KIAA0319: variants seen among roughly 807,000 people sequenced by gnomAD.
KIAA0319 encodes KIAA0319, also known as dyslexia-associated protein KIAA0319.
In KIAA0319, 83 loss-of-function variants were observed where a neutral mutation model predicts 108.4. The observed-to-expected ratio is 0.77, with a 90% CI of 0.64 to 0.92. The LOEUF (loss-of-function observed/expected upper bound fraction) is 0.92, where lower values mean the gene tolerates loss of function less well. Ranked by LOEUF, KIAA0319 falls within the 40% of genes least tolerant of loss-of-function variation. The pLI is 0.00. For synonymous variants in KIAA0319, 484 were observed against 510.4 expected, an observed-to-expected ratio of 0.95 and a Z score of 0.70; for missense variants, 1,195 against 1,322.4, an observed-to-expected ratio of 0.90 and a Z score of 1.49.
chr6:24,612,629 G>A (rs985549913), intron 1 of KIAA0319, among the ~76,000 whole-genome samples: 2 of 152,182 alleles, frequency 1.3e-5, no homozygotes, highest in Admixed American at 1.3e-4. Context: ...AGTGAAGAAA[G>A]AAAGTGCAGA....
chr6:24,633,366 ATAAT>A (rs755687425), intron 1 of KIAA0319, among the ~76,000 whole-genome samples: 11 of 152,246 alleles, frequency 7.2e-5, no homozygotes, highest in Non-Finnish European at 1.6e-4. Context: ...ACTGGGAAAG[ATAAT>A]TAAAGATATG....
chr6:24,558,364 T>G (rs1403244763), intron 17 of KIAA0319, among the ~76,000 whole-genome samples: 2 of 86,132 alleles, frequency 2.3e-5, no homozygotes, highest in South Asian at 8.6e-4. Context: ...TATATATATA[T>G]CTAGATAGAT....
intron 20 of KIAA0319, among the ~76,000 whole-genome samples, chr6:24,549,437 ATTTGCC>A (rs1297885127): frequency 6.6e-6 from 1 of 151,862 alleles, no homozygotes; most frequent in East Asian, 1.9e-4. Context: ...CAGATGTTGA[ATTTGCC>A]TTCCCAGCCT....
chr6:24,552,534 C>G (rs1300878446), intron 19 of KIAA0319, among the ~76,000 whole-genome samples: 7 of 152,192 alleles, frequency 4.6e-5, no homozygotes, highest in Admixed American at 4.6e-4. Context: ...TTTCACCAGT[C>G]TTACTTTGGG....
At chr6:24,620,473 A>T (rs1219169425) in intron 1 of KIAA0319, among the ~76,000 whole-genome samples, 2 of 152,086 alleles carry the variant, frequency 1.3e-5, no homozygotes, top group African/African-American at 4.8e-5. Context: ...GCTAATTTTT[A>T]TATTTTTAGT....
rs191464793 is a variant in KIAA0319, at chr6:24,580,318, C to G, written c.1280-368G>C. Among the ~76,000 whole-genome samples, 161 of 146,214 alleles carry G rather than the reference C, an allele frequency of 1.1e-3. 1 individual carries two copies. The highest frequency in any genetic ancestry group is 3.1e-3 in the African/African-American group (122 of 39,238). ...TCTCTAACTGAAGGCAACTCCCCCC[C>G]CCACCCCCCATAACCATATGCAAAA... On this transcript the variant is annotated intron_variant, in intron 7 of 20. Transcript: ENST00000378214.
intron 1 of KIAA0319, among the ~76,000 whole-genome samples, chr6:24,635,947 A>G (rs574018775): frequency 6.6e-6 from 1 of 152,362 alleles, no homozygotes; most frequent in East Asian, 1.9e-4. Context: ...TTATGAAAGA[A>G]TAACAAACAC....
intron 19 of KIAA0319, among the ~76,000 whole-genome samples, chr6:24,553,595 C>T (rs1248661062): frequency 1.3e-5 from 2 of 152,112 alleles, no homozygotes; most frequent in African/African-American, 4.8e-5. Context: ...GGTCATAAAA[C>T]CCTCATTTCA....
chr6:24,576,279 A>G, intron 10 of KIAA0319, 89 bp downstream of exon 10: 2 of 1,004,322 alleles, frequency 2.0e-6, no homozygotes, highest in Non-Finnish European at 3.0e-6. Flanking sequence ...AATTATCTAA[A>G]TTTAACTGCC....
rs374993595 is a variant in KIAA0319 at position 24,572,845 on chromosome 6, G to C, written c.1735-147C>G. ...AAAGAAATGTGTTTGGCCAGGCACG[G>C]TGGTTCACATCTGTAATCCCAGCAC... On this transcript the variant is annotated intron_variant, in intron 10 of 20. Coordinates refer to ENST00000378214, the MANE Select transcript of KIAA0319 (RefSeq NM_014809.4). The C allele has an allele frequency of 2.5e-4, 207 of 820,080 alleles. No homozygotes were observed. The African/African-American group carries it at 2.7e-3, about 11-fold the overall frequency. 50.8% of individuals were successfully genotyped at this position (820,080 alleles called of 1,614,324 possible). A position where few individuals can be genotyped will look rare whatever the true frequency, so the allele number is the denominator to read the frequency against.
At chr6:24,583,181 G>A in intron 5 of KIAA0319, 1 of 987,822 alleles carries the variant, frequency 1.0e-6, no homozygotes, top group Non-Finnish European at 1.2e-6. Flanking sequence ...GCTAGTGTGA[G>A]GCATCCTGAG....
intron 18 of KIAA0319, 144 bp downstream of exon 18, chr6:24,556,463 G>T: frequency 1.1e-6 from 1 of 874,328 alleles, no homozygotes. Context: ...CACCATGCCT[G>T]GCTTATTTTG....
chr6:24,568,374 A>T (rs1277431106), intron 13 of KIAA0319, among the ~76,000 whole-genome samples: 1 of 152,258 alleles, frequency 6.6e-6, no homozygotes, highest in Non-Finnish European at 1.5e-5. Flanking sequence ...ACAGACAAGG[A>T]GACAAGTACC....
intron 13 of KIAA0319, 142 bp downstream of exon 13, chr6:24,568,639 T>A: frequency 1.3e-6 from 1 of 789,828 alleles, no homozygotes; most frequent in South Asian, 2.4e-5. Context: ...AAAGTTGGCT[T>A]TTTTTCAGCC....
intron 1 of KIAA0319, among the ~76,000 whole-genome samples, chr6:24,644,419 G>A (rs780745826): frequency 6.6e-6 from 1 of 152,026 alleles, no homozygotes; most frequent in Non-Finnish European, 1.5e-5. Context: ...TAGAAGTTTG[G>A]TGATTTTTTT....
At chr6:24,639,988 G>A (rs1320927674) in intron 1 of KIAA0319, among the ~76,000 whole-genome samples, 1 of 151,846 alleles carries the variant, frequency 6.6e-6, no homozygotes, top group Non-Finnish European at 1.5e-5. Flanking sequence ...ATGACAGAGA[G>A]GGAAACTGAC....
chr6:24,616,779 T>C (rs956677901), intron 1 of KIAA0319, among the ~76,000 whole-genome samples: 2 of 152,212 alleles, frequency 1.3e-5, no homozygotes, highest in African/African-American at 2.4e-5. Context: ...ATGAACCACA[T>C]ATCTATCTTT....
intron 17 of KIAA0319, 143 bp downstream of exon 17, chr6:24,558,870 A>G: frequency 1.2e-6 from 1 of 806,642 alleles, no homozygotes; most frequent in South Asian, 2.0e-5. Flanking sequence ...ATGCTGCAGG[A>G]AACTCTATTG....
chr6:24,597,868 T>C (rs1296475450), intron 2 of KIAA0319: 1 of 132,682 alleles, frequency 7.5e-6, no homozygotes, highest in Admixed American at 9.6e-5. Context: ...TAGTGAGCCA[T>C]GATGGCACCA....
Sources: gnomAD v4.1 joint callset for allele counts (sites outside exome capture counted in the v4.1 genomes callset) on GRCh38, gnomAD v4.1.1 for gene constraint, MANE v1.5 for transcripts, NCBI Gene and HGNC (gene_info 2026-07-23, HGNC 2026-07-21) for gene names.